ZC3H4: variants seen among roughly 807,000 people sequenced by gnomAD.
ZC3H4 encodes the protein zinc finger CCCH-type containing 4.
Under a neutral mutation model 108.3 loss-of-function variants are expected in ZC3H4, and 13 were observed. That is an observed-to-expected ratio of 0.12 (90% CI 0.08 to 0.19). The LOEUF is 0.19. Ranked by LOEUF, ZC3H4 falls within the 10% of genes least tolerant of loss-of-function variation. The pLI is 1.00. For missense variants in ZC3H4, 1,734 were observed against 1,838.8 expected (o/e 0.94, Z 1.04); for synonymous variants, 917 against 749.6 (o/e 1.22, Z -3.65).
chr19:47,067,324 C>T lies in ZC3H4; in HGVS notation c.2944G>A (p.Glu982Lys), dbSNP rs2057230677. Reference sequence around the variant, plus strand: ...GGGATGGGTAGGGGGATCAGGTCCTCGGGATTCCAGAGCACGGTGCGGGCG... The same window carrying T: ...GGGATGGGTAGGGGGATCAGGTCCTTGGGATTCCAGAGCACGGTGCGGGCG... The part of the protein sequence containing the change: ...SFARTVLWNP[E>K]DLIPLPIPKQ... The change falls in exon 15 of 15, where the codon GAG (glutamate) becomes AAG (lysine). Residue 982 changes from glutamate (E) to lysine (K), a missense_variant. Coordinates refer to ENST00000253048, the MANE Select transcript of ZC3H4 (RefSeq NM_015168.2). The surrounding 1 kb of genome is among the most constrained non-coding windows in gnomAD (Gnocchi z 6.4). The T allele has an allele frequency of 2.5e-6, 4 of 1,597,824 alleles. No homozygotes were observed. Among genetic ancestry groups the T allele is most frequent in the Non-Finnish European group, 3.4e-6 (4 of 1,171,184 alleles).
chr19:47,075,056 C>T lies in ZC3H4; in HGVS notation c.1441-2343G>A, dbSNP rs540817842. 9.2e-5 allele frequency among the ~76,000 whole-genome samples: 14 copies of T among 152,266 alleles called. 1 individual carries two copies. The South Asian group carries it at 2.9e-3, about 32-fold the overall frequency. On this transcript the variant is annotated intron_variant, in intron 11 of 14. Transcript: ENST00000253048. ...CAGCAAGGCGGACAGAAACAGGACC[C>T]CCTGGTGGGGGTTGTGCATTCGCAG...
At chr19:47,091,293 G>A (rs1328255598) in intron 4 of ZC3H4, among the ~76,000 whole-genome samples, 5 of 151,898 alleles carry the variant, frequency 3.3e-5, no homozygotes, top group African/African-American at 7.3e-5. Flanking sequence ...AATAAAGTCC[G>A]GGCACAGTAG....
chr19:47,112,993 G>GA (rs1327698326), intron 1 of ZC3H4, among the ~76,000 whole-genome samples: 1 of 152,028 alleles, frequency 6.6e-6, no homozygotes, highest in Non-Finnish European at 1.5e-5. Context: ...GGGTTAAAAA[G>GA]AAAAAAAGGA....
chr19:47,112,084 C>G (rs2058046586), intron 2 of ZC3H4: 1 of 1,015,328 alleles, frequency 9.8e-7, no homozygotes, highest in Non-Finnish European at 1.2e-6. Flanking sequence ...CGCAGCACCC[C>G]CCACGGCGCC....
At chr19:47,079,623 C>T (rs79079237) in intron 11 of ZC3H4, among the ~76,000 whole-genome samples, 4,014 of 152,182 alleles carry the variant, frequency 0.026, 147 homozygotes, top group African/African-American at 0.083. Flanking sequence ...GCATGCCAGG[C>T]GCTGTGGCTC....
At position 47,064,873 on chromosome 19, in the gene ZC3H4, T is replaced by C. The variant is rs1389115042; in HGVS notation, c.*1483A>G. 6.6e-6 allele frequency: 1 copy of C among 152,092 alleles called. No individual in the cohort carries two copies. Among genetic ancestry groups the C allele is most frequent in the Non-Finnish European group, 1.5e-5 (1 of 68,054 alleles). 9.4% of individuals were successfully genotyped at this position (152,092 alleles called of 1,614,324 possible). On this transcript the variant is annotated 3_prime_UTR_variant, in exon 15 of 15. Coordinates refer to ENST00000253048, the MANE Select transcript of ZC3H4 (RefSeq NM_015168.2). ...TTTCTCTTTTTGGGGTGGGGTGGGA[T>C]AGGAGCCTTGTTCACCCCACCCTGA...
At chr19:47,070,943 C>G (rs1358865527) in intron 13 of ZC3H4, among the ~76,000 whole-genome samples, 1 of 152,226 alleles carries the variant, frequency 6.6e-6, no homozygotes, top group Non-Finnish European at 1.5e-5. Context: ...TGCCTCTGCC[C>G]AGGGACAGCC....
intron 4 of ZC3H4, among the ~76,000 whole-genome samples, chr19:47,090,634 T>C (rs755735460): frequency 2.0e-5 from 3 of 152,104 alleles, no homozygotes; most frequent in Non-Finnish European, 4.4e-5. Flanking sequence ...AGTGTGGTAA[T>C]GCCAAGTGGT....
In ZC3H4 at chr19:47,066,601, G is replaced by A. The variant is rs760571967; in HGVS notation, c.3667C>T (p.Pro1223Ser). 6.2e-6 allele frequency: 10 copies of A among 1,605,060 alleles called. No homozygotes were observed. The highest frequency in any genetic ancestry group is 1.1e-5 in the South Asian group (1 of 90,020). ...DRYNSYNRPRPKAAAAPAATT... is the reference protein window; with the variant it reads ...DRYNSYNRPRSKAAAAPAATT... ...GCAGCGGGGGCTGCAGCAGCCTTGG[G>A]CCGGGGCCGGTTGTAGCTGTTGTAT... Residue 1223 changes from proline (P) to serine (S), a missense_variant, in exon 15 of 15, where the codon CCC (proline) becomes TCC (serine). By Grantham distance (74) the Pro-to-Ser change is moderately conservative (BLOSUM62 -1). Coordinates refer to ENST00000253048, the MANE Select transcript of ZC3H4 (RefSeq NM_015168.2).
intron 11 of ZC3H4, among the ~76,000 whole-genome samples, chr19:47,074,493 C>T (rs975070292): frequency 1.3e-5 from 2 of 152,250 alleles, no homozygotes; most frequent in African/African-American, 4.8e-5. Context: ...AAAAGTGACA[C>T]AGGAGGCCTG....
chr19:47,086,431 C>G lies in ZC3H4; in HGVS notation c.823G>C (p.Gly275Arg). The G allele has an allele frequency of 6.2e-7, 1 of 1,613,466 alleles. No individual in the cohort carries two copies. The highest frequency in any genetic ancestry group is 8.5e-7 in the Non-Finnish European group (1 of 1,179,878). The change falls in exon 6 of 15, where the codon GGA (glycine) becomes CGA (arginine). Residue 275 changes from glycine to arginine, a missense_variant. Gly to Arg is a moderately radical substitution (Grantham distance 125). Coordinates refer to ENST00000253048, the MANE Select transcript of ZC3H4 (RefSeq NM_015168.2). ...TCCTCTTCATCCTCCGGGTGGTCTC[C>G]TCCCATAGAGCCTCTGCCCCTGCCT... Reference protein sequence around the residue: ...SRGRGRGSMGGDHPEDEEDFY... With the variant: ...SRGRGRGSMGRDHPEDEEDFY...
intron 7 of ZC3H4, 30 bp downstream of exon 7, chr19:47,085,288 C>G: frequency 6.3e-7 from 1 of 1,575,184 alleles, no homozygotes; most frequent in Non-Finnish European, 8.7e-7. Context: ...CCTGCCCCAC[C>G]CAGCGTGTCC....
At chr19:47,093,368 T>C (rs574699201) in intron 4 of ZC3H4, among the ~76,000 whole-genome samples, 5 of 152,280 alleles carry the variant, frequency 3.3e-5, no homozygotes, top group Non-Finnish European at 5.9e-5. Context: ...TACTGGCTAC[T>C]TGAGAACATT....
At chr19:47,076,313 G>A (rs187644598) in intron 11 of ZC3H4, among the ~76,000 whole-genome samples, 61 of 77,336 alleles carry the variant, frequency 7.9e-4, no homozygotes, top group Admixed American at 6.5e-3. Flanking sequence ...ACATGCACGC[G>A]TGCGCGCGCG....
At position 47,069,456 on chromosome 19, in the gene ZC3H4, AGCCTGCCCCT is replaced by A; in HGVS notation, c.2147-123_2147-114del. 1.4e-5 allele frequency: 19 copies of A among 1,372,196 alleles called. No individual in the cohort carries two copies. The South Asian group carries it at 2.5e-4, about 18-fold the overall frequency. The allele number at this position is 1,372,196 out of a possible 1,614,324, so 85.0% of individuals were successfully genotyped here. ...CCGATGGCGATGGAGAAGGACGCAC[AGCCTGCCCCT>A]GCCTGCCCTCCCCAGGTCTCAGGGG... On this transcript the variant is annotated intron_variant, in intron 13 of 14. Coordinates refer to ENST00000253048, the MANE Select transcript of ZC3H4 (RefSeq NM_015168.2).
At chr19:47,095,376 ACCTCTAGG>A in intron 2 of ZC3H4, among the ~76,000 whole-genome samples, 1 of 152,208 alleles carries the variant, frequency 6.6e-6, no homozygotes, top group South Asian at 2.1e-4. Context: ...TCAGTCCCAC[ACCTCTAGG>A]CCGGAGGCAA....
Position 47,112,480 on chromosome 19 carries a change from G to C in ZC3H4, c.105C>G (p.Asp35Glu). The C allele has an allele frequency of 8.5e-7, 1 of 1,175,762 alleles. No individual in the cohort carries two copies. The highest frequency in any genetic ancestry group is 1.1e-6 in the Non-Finnish European group (1 of 929,248). 72.8% of individuals were successfully genotyped at this position (1,175,762 alleles called of 1,614,324 possible). A position where few individuals can be genotyped will look rare whatever the true frequency, so the allele number is the denominator to read the frequency against. The change falls in exon 2 of 15, where the codon GAC becomes GAG. Residue 35 changes from aspartate to glutamate, a missense_variant. Transcript: ENST00000253048. ...GGAGGTGCGGGGTGGCCGGGCGGGC[G>C]TCGGGGGAACACGGAGGAGGCGAAG... ...STPSPPPCSP[D>E]ARPATPHLLH...
intron 2 of ZC3H4, 198 bp downstream of exon 2, chr19:47,112,226 G>C (rs2123131578): frequency 8.5e-6 from 10 of 1,175,624 alleles, no homozygotes; most frequent in Non-Finnish European, 1.1e-5. Flanking sequence ...GGGGGGAAAC[G>C]CATGAGGCCG....
chr19:47,081,283 T>C (rs2057517473), intron 11 of ZC3H4, among the ~76,000 whole-genome samples: 1 of 152,198 alleles, frequency 6.6e-6, no homozygotes, highest in African/African-American at 2.4e-5. Context: ...CATTTGGTCA[T>C]GCCCCAGGGG....
Sources: gnomAD v4.1 joint callset for allele counts (sites outside exome capture counted in the v4.1 genomes callset) on GRCh38, gnomAD v4.1.1 for gene constraint, Gnocchi (gnomAD v3.1) non-coding constraint, MANE v1.5 for transcripts, NCBI Gene and HGNC (gene_info 2026-07-23, HGNC 2026-07-21) for gene names.